Variants in DSP observed in about 807,000 individuals in gnomAD.
DSP encodes 250/210 kDa paraneoplastic pemphigus antigen.
A neutral mutation model predicts 290.6 loss-of-function variants in DSP; 114 were observed. The ratio of observed to expected loss-of-function variants is 0.39; its 90% CI spans 0.34 to 0.46. The LOEUF (loss-of-function observed/expected upper bound fraction) is 0.46. Ranked by LOEUF, DSP falls within the 20% of genes least tolerant of loss-of-function variation. DSP has a pLI of 0.99. For missense variants in DSP, 3,230 were observed against 3,495.8 expected, an observed-to-expected ratio of 0.92 and a Z score of 1.92; for synonymous variants, 1,311 against 1,316.4, an observed-to-expected ratio of 1.00 and a Z score of 0.09.
At chr6:7,546,269 C>T (rs1362440382) in intron 1 of DSP, among the ~76,000 whole-genome samples, 1 of 152,176 alleles carries the variant, frequency 6.6e-6, no homozygotes, top group Non-Finnish European at 1.5e-5. Context: ...AGGCCCAGAG[C>T]TCGAGTGACT....
rs752316728 is a variant in DSP, at chr6:7,562,606, A to G, written c.598-46A>G. The G allele has an allele frequency of 8.1e-6, 13 of 1,612,952 alleles. No homozygotes were observed. In the Admixed American group the frequency reaches 1.8e-4, roughly 23 times the overall value. On this transcript the variant is annotated intron_variant, in intron 4 of 23. Transcript: ENST00000379802. ...TGGTGTGCGTAAGTGAAACAGGTGC[A>G]AAGGGGCAACAACAAAGGGCGCCTC...
chr6:7,582,873 T>C lies in DSP; in HGVS notation c.5611T>C (p.Tyr1871His). ...QNDLNQWKTQ[Y>H]SRKEEAIRKI... ...TGACCTGAATCAGTGGAAGACTCAA[T>C]ATTCCCGCAAGGAGGAGGCTATTAG... The change falls in exon 24 of 24, where the codon TAT (tyrosine) becomes CAT (histidine). Residue 1871 changes from tyrosine (Y) to histidine (H), a missense_variant. Tyr to His is a moderately conservative substitution (Grantham distance 83). Transcript: ENST00000379802. This position sits in a 1 kb window ranked among gnomAD's most constrained non-coding sequence, Gnocchi z 4.2. 1 of 1,613,974 alleles carries C rather than the reference T, an allele frequency of 6.2e-7. No homozygotes were observed. The highest frequency in any genetic ancestry group is 8.5e-7 in the Non-Finnish European group (1 of 1,180,026).
chr6:7,573,995 GT>G, intron 15 of DSP, 90 bp from the exon 16 acceptor site: 1 of 1,305,114 alleles, frequency 7.7e-7, no homozygotes, highest in South Asian at 1.2e-5. Flanking sequence ...CTGTGTCTAT[GT>G]GTATTAAAAC....
At position 7,562,701 on chromosome 6, in the gene DSP, A is replaced by C. The variant is rs1758736357; in HGVS notation, c.647A>C (p.Gln216Pro). ...AWGVDLASVE[Q>P]HINSHRGIHN... ...GGTGTGGACCTGGCCTCAGTGGAGC[A>C]GCACATTAACAGCCACCGGGGCATC... Residue 216 changes from glutamine (Q) to proline (P), a missense_variant, in exon 5 of 24, where the codon CAG becomes CCG. By Grantham distance (76) the Gln-to-Pro change is moderately conservative. This residue lies in a region of DSP where 646 missense variants were observed against 684.3 expected (regional missense o/e 0.94). Coordinates refer to ENST00000379802, the MANE Select transcript of DSP (RefSeq NM_004415.4). The C allele has an allele frequency of 6.2e-7, 1 of 1,614,200 alleles. No individual in the cohort carries two copies. The highest frequency in any genetic ancestry group is 8.5e-7 in the Non-Finnish European group (1 of 1,180,020).
rs1221234404 is a variant in DSP, at chr6:7,574,835, A to G, written c.2436+40A>G. On this transcript the variant is annotated intron_variant, in intron 17 of 23. Transcript: ENST00000379802. ...TATAACAGTGGCCCAACTTACAGGA[A>G]CTAATTCAGATCTGAGCTCCCAATT... The G allele has an allele frequency of 2.5e-6, 4 of 1,613,894 alleles. No homozygotes were observed. The African/African-American group carries it at 5.3e-5, about 22-fold the overall frequency.
intron 4 of DSP, 125 bp from the exon 5 acceptor site, chr6:7,562,527 C>A: frequency 6.5e-7 from 1 of 1,544,468 alleles, no homozygotes; most frequent in Non-Finnish European, 8.9e-7. Context: ...AATATTCTGG[C>A]TTCAAAAATA....
rs28763965 is a variant in DSP, at chr6:7,580,562, C to G, written c.4372C>G (p.Arg1458Gly). 3,248 of 1,613,990 alleles carry G rather than the reference C, an allele frequency of 2.0e-3. 4 individuals are homozygous for G. The highest frequency in any genetic ancestry group is 3.3e-3 in the Admixed American group (198 of 59,996). Residue 1458 changes from arginine to glycine, a missense_variant, in exon 23 of 24, where the codon CGA (arginine) becomes GGA (glycine). Physicochemically the swap from Arg to Gly is moderately radical, Grantham distance 125. Around this residue, in one of 5 missense-constraint regions of DSP, gnomAD observed 1,714 missense variants for 1,844.5 expected, o/e 0.93. Coordinates refer to ENST00000379802, the MANE Select transcript of DSP (RefSeq NM_004415.4). This position sits in a 1 kb window ranked among gnomAD's most constrained non-coding sequence, Gnocchi z 4.2. ...EVELRQVTQM[R>G]TEESVRYKQS... ...TGAGCTGAGACAAGTCACTCAGATG[C>G]GAACAGAGGAGAGCGTAAGATATAA...
chr6:7,579,721 A>T lies in DSP; in HGVS notation c.3531A>T (p.Leu1177=). ...ACGAGATTGAAAGGTTGAGGGTTCTACTGCAGGAAGAAGGCACCCGGAAGA... is the reference window on the plus strand; with the variant it reads ...ACGAGATTGAAAGGTTGAGGGTTCTTCTGCAGGAAGAAGGCACCCGGAAGA... ...KEYEIERLRV[L]LQEEGTRKRE... is the part of the protein sequence containing the mutation. Residue 1177 remains leucine, a synonymous_variant, in exon 23 of 24, where the codon CTA becomes CTT. Coordinates refer to ENST00000379802, the MANE Select transcript of DSP (RefSeq NM_004415.4). The surrounding 1 kb of genome is among the most constrained non-coding windows in gnomAD (Gnocchi z 4.1). The T allele has an allele frequency of 6.2e-7, 1 of 1,613,798 alleles. No individual in the cohort carries two copies. Among genetic ancestry groups the T allele is most frequent in the Non-Finnish European group, 8.5e-7 (1 of 1,179,812 alleles).
chr6:7,557,406 G>A (rs955256008), intron 2 of DSP, among the ~76,000 whole-genome samples: 3 of 152,200 alleles, frequency 2.0e-5, no homozygotes, highest in African/African-American at 4.8e-5. Flanking sequence ...TTGGCCAGGC[G>A]TGGTGGCTCA....
At chr6:7,577,668 A>G in intron 20 of DSP, 111 bp from the exon 21 acceptor site, 1 of 895,888 alleles carries the variant, frequency 1.1e-6, no homozygotes, top group Non-Finnish European at 1.9e-6. Context: ...AAGTCTTTGG[A>G]GTGGGCAATT....
chr6:7,544,029 G>A (rs1758098348), intron 1 of DSP, among the ~76,000 whole-genome samples: 1 of 152,158 alleles, frequency 6.6e-6, no homozygotes, highest in Admixed American at 6.5e-5. Context: ...TCTCTGGGAA[G>A]GGGAAAGAGA....
Position 7,571,502 on chromosome 6 carries a change from A to G in DSP, c.1821A>G (p.Lys607=), listed in dbSNP as rs768675424. The part of the protein sequence containing the change: ...SEMFGDDDKR[K]IQSQFTDAQK... Reference sequence around the variant, plus strand: ...TGTTTGGAGATGATGACAAGCGGAAAATACAGTCTCAGTTCACCGATGCCC... The same window carrying G: ...TGTTTGGAGATGATGACAAGCGGAAGATACAGTCTCAGTTCACCGATGCCC... Residue 607 remains lysine, a synonymous_variant, in exon 14 of 24, where the codon AAA becomes AAG. Coordinates refer to ENST00000379802, the MANE Select transcript of DSP (RefSeq NM_004415.4). The G allele has an allele frequency of 1.9e-5, 30 of 1,614,098 alleles. No individual in the cohort carries two copies. Among genetic ancestry groups the G allele is most frequent in the Non-Finnish European group, 2.5e-5 (29 of 1,180,050 alleles).
At chr6:7,568,115 G>A (rs1758918825) in intron 10 of DSP, among the ~76,000 whole-genome samples, 1 of 152,166 alleles carries the variant, frequency 6.6e-6, no homozygotes, top group South Asian at 2.1e-4. Flanking sequence ...TTCAGTCTGG[G>A]CAATTGGTTG....
At chr6:7,557,725 C>G (rs1758541917) in intron 2 of DSP, among the ~76,000 whole-genome samples, 1 of 150,602 alleles carries the variant, frequency 6.6e-6, no homozygotes, top group Non-Finnish European at 1.5e-5. Context: ...ACATTATGTT[C>G]TCATAAGGTA....
intron 11 of DSP, 23 bp from the exon 12 acceptor site, chr6:7,569,162 AC>A (rs771946640): frequency 2.5e-6 from 4 of 1,614,152 alleles, no homozygotes; most frequent in East Asian, 4.5e-5. Flanking sequence ...ATAAAGCCAA[AC>A]CCTGGGGTTG....
intron 1 of DSP, among the ~76,000 whole-genome samples, chr6:7,555,258 T>C (rs1030962609): frequency 1.2e-4 from 19 of 152,330 alleles, no homozygotes; most frequent in African/African-American, 4.6e-4. Flanking sequence ...ATTGGTGAAA[T>C]CTGAACAAGT....
chr6:7,553,019 C>A (rs773667630), intron 1 of DSP, among the ~76,000 whole-genome samples: 2 of 152,128 alleles, frequency 1.3e-5, no homozygotes, highest in Non-Finnish European at 2.9e-5. Flanking sequence ...TGTGTTTGTC[C>A]TCCCTGTCTC....
chr6:7,548,618 C>T (rs917753501), intron 1 of DSP, among the ~76,000 whole-genome samples: 2 of 152,172 alleles, frequency 1.3e-5, no homozygotes, highest in African/African-American at 2.4e-5. Context: ...TCGAGAAAAC[C>T]GCCTGGAAAA....
intron 12 of DSP, among the ~76,000 whole-genome samples, chr6:7,569,727 G>A (rs570616296): frequency 3.3e-5 from 5 of 152,008 alleles, no homozygotes; most frequent in Middle Eastern, 3.2e-3. Context: ...CCAGCTACTC[G>A]GGAGGTTGAG....
Sources: gnomAD v4.1 joint callset for allele counts (sites outside exome capture counted in the v4.1 genomes callset) on GRCh38, gnomAD v4.1.1 for gene constraint, gnomAD v4.1.1 regional missense constraint, Gnocchi (gnomAD v3.1) non-coding constraint, MANE v1.5 for transcripts, NCBI Gene and HGNC (gene_info 2026-07-23, HGNC 2026-07-21) for gene names.